Variants in PTPN4 observed in about 807,000 individuals in gnomAD.
PTPN4 encodes the protein protein tyrosine phosphatase non-receptor type 4.
Under a neutral mutation model 135.5 loss-of-function variants are expected in PTPN4, and 49 were observed. That is an observed-to-expected ratio of 0.36 (90% CI 0.29 to 0.46). The LOEUF is 0.46. PTPN4 is among the 20% of genes least tolerant of loss of function. The pLI is 1.00. For synonymous variants in PTPN4, 333 were observed against 369.9 expected (o/e 0.90, Z 1.14); for missense variants, 860 against 1,101.0 (o/e 0.78, Z 3.10).
chr2:119,913,684 A>C (rs969979311), intron 10 of PTPN4, among the ~76,000 whole-genome samples: 7 of 152,164 alleles, frequency 4.6e-5, no homozygotes, highest in Non-Finnish European at 1.5e-5. Flanking sequence ...AAGTCATTGT[A>C]AAACCTCTGA....
intron 2 of PTPN4, among the ~76,000 whole-genome samples, chr2:119,818,758 C>T (rs992315602): frequency 2.0e-5 from 3 of 152,142 alleles, no homozygotes; most frequent in Non-Finnish European, 4.4e-5. Context: ...CAGCAGATTA[C>T]TTTGATCTTA....
intron 3 of PTPN4, among the ~76,000 whole-genome samples, chr2:119,875,130 G>A (rs1046953702): frequency 3.3e-5 from 5 of 152,074 alleles, no homozygotes; most frequent in Admixed American, 1.3e-4. Flanking sequence ...TTATTGATGT[G>A]TAGAACTTGT....
intron 2 of PTPN4, among the ~76,000 whole-genome samples, chr2:119,861,106 G>A (rs1336127263): frequency 6.6e-6 from 1 of 152,036 alleles, no homozygotes; most frequent in Non-Finnish European, 1.5e-5. Context: ...GCCACATCTG[G>A]TCTGTTCTGA....
intron 1 of PTPN4, among the ~76,000 whole-genome samples, chr2:119,772,489 A>G (rs139643396): frequency 8.4e-4 from 128 of 152,328 alleles, no homozygotes; most frequent in African/African-American, 2.9e-3. Flanking sequence ...ACTTAGTCTC[A>G]TTTATTCCAC....
intron 1 of PTPN4, among the ~76,000 whole-genome samples, chr2:119,804,142 T>G (rs935511104): frequency 7.9e-5 from 12 of 152,082 alleles, no homozygotes; most frequent in Non-Finnish European, 1.5e-4. Context: ...AGACAGGGTT[T>G]CTGTCTGTCT....
rs572701375 is a variant in PTPN4, at chr2:119,789,437, A to G, written c.-17-20400A>G. ...ATAGTTTTAATTTTGATGAAGTCCAATTTATCTGTTTTTTTCTTTTGTTGC... is the reference window on the plus strand; with the variant it reads ...ATAGTTTTAATTTTGATGAAGTCCAGTTTATCTGTTTTTTTCTTTTGTTGC... On this transcript the variant is annotated intron_variant, in intron 1 of 26. Transcript: ENST00000263708. 4.6e-5 allele frequency among the ~76,000 whole-genome samples: 7 copies of G among 152,204 alleles called. 1 individual carries two copies. Among genetic ancestry groups the G allele is most frequent in the Admixed American group, 2.6e-4 (4 of 15,288 alleles).
intron 9 of PTPN4, among the ~76,000 whole-genome samples, chr2:119,900,150 G>A (rs1224081911): frequency 6.6e-6 from 1 of 151,962 alleles, no homozygotes; most frequent in Non-Finnish European, 1.5e-5. Flanking sequence ...ATTCTTCAAG[G>A]CACAATTCAA....
chr2:119,917,957 A>G (rs928622376), intron 11 of PTPN4, among the ~76,000 whole-genome samples: 1 of 152,220 alleles, frequency 6.6e-6, no homozygotes, highest in Non-Finnish European at 1.5e-5. Context: ...AATTACTTAT[A>G]GACTTTTTGA....
chr2:119,946,265 A>G (rs1004761351), intron 16 of PTPN4, 76 bp from the exon 17 acceptor site: 46 of 1,131,732 alleles, frequency 4.1e-5, no homozygotes, highest in Middle Eastern at 2.9e-4. Flanking sequence ...GCATACAAAA[A>G]ATATGCTTCC....
chr2:119,914,262 T>C (rs1451910077), intron 10 of PTPN4, among the ~76,000 whole-genome samples: 3 of 147,480 alleles, frequency 2.0e-5, no homozygotes, highest in Non-Finnish European at 3.0e-5. Context: ...TTTTTTTTTT[T>C]TTTTTTTTTT....
intron 1 of PTPN4, among the ~76,000 whole-genome samples, chr2:119,794,677 G>T (rs1020089987): frequency 6.6e-6 from 1 of 152,182 alleles, no homozygotes; most frequent in Non-Finnish European, 1.5e-5. Flanking sequence ...CTCCCTGAAG[G>T]GCTGCAGCAT....
At chr2:119,855,815 T>A (rs1016289543) in intron 2 of PTPN4, among the ~76,000 whole-genome samples, 29 of 152,208 alleles carry the variant, frequency 1.9e-4, no homozygotes, top group African/African-American at 6.3e-4. Flanking sequence ...TATTATTATT[T>A]TTTTTTGAGA....
At chr2:119,898,550 C>G (rs967641103) in intron 9 of PTPN4, among the ~76,000 whole-genome samples, 1 of 152,084 alleles carries the variant, frequency 6.6e-6, no homozygotes, top group Non-Finnish European at 1.5e-5. Flanking sequence ...CTACGAGGTA[C>G]TTTTTTCTAT....
intron 1 of PTPN4, among the ~76,000 whole-genome samples, chr2:119,804,723 A>G (rs1446410011): frequency 6.6e-6 from 1 of 152,210 alleles, no homozygotes; most frequent in Non-Finnish European, 1.5e-5. Context: ...TATTGTGAAT[A>G]GTGCTGCAAC....
chr2:119,877,591 ATGAAATTT>A (rs1238788451), intron 5 of PTPN4, 49 bp downstream of exon 5: 1 of 1,546,490 alleles, frequency 6.5e-7, no homozygotes, highest in East Asian at 2.3e-5. Context: ...AAACTCTAAT[ATGAAATTT>A]TGAAATTAAT....
chr2:119,827,816 A>G (rs1317066275), intron 2 of PTPN4, among the ~76,000 whole-genome samples: 1 of 152,186 alleles, frequency 6.6e-6, no homozygotes, highest in Non-Finnish European at 1.5e-5. Context: ...ATAGGTTGTA[A>G]TTATAAGCAA....
At chr2:119,776,294 G>T (rs752207265) in intron 1 of PTPN4, among the ~76,000 whole-genome samples, 4 of 152,136 alleles carry the variant, frequency 2.6e-5, no homozygotes, top group African/African-American at 4.8e-5. Context: ...TCCTGCCTCA[G>T]CCTCCAGAGC....
At chr2:119,767,302 C>T (rs1324211420) in intron 1 of PTPN4, among the ~76,000 whole-genome samples, 1 of 152,220 alleles carries the variant, frequency 6.6e-6, no homozygotes, top group East Asian at 1.9e-4. Context: ...CCTTATTTCT[C>T]CATTTCAGGG....
intron 22 of PTPN4, among the ~76,000 whole-genome samples, chr2:119,959,680 G>A (rs988453592): frequency 1.3e-5 from 2 of 152,218 alleles, no homozygotes; most frequent in East Asian, 1.9e-4. Context: ...ATAATAAGTA[G>A]CATCGCTGGC....
Sources: gnomAD v4.1 joint callset for allele counts (sites outside exome capture counted in the v4.1 genomes callset) on GRCh38, gnomAD v4.1.1 for gene constraint, MANE v1.5 for transcripts, NCBI Gene and HGNC (gene_info 2026-07-23, HGNC 2026-07-21) for gene names.